C1QTNF3: variants seen among roughly 807,000 people sequenced by gnomAD.
C1QTNF3 encodes complement C1q tumor necrosis factor-related protein 3.
C1QTNF3 carries 26 observed loss-of-function variants against 32.6 expected under a neutral mutation model. That is an observed-to-expected ratio of 0.80 (90% confidence interval 0.58 to 1.11). The LOEUF (loss-of-function observed/expected upper bound fraction) is 1.11. C1QTNF3 is among the 50% of genes least tolerant of loss of function. C1QTNF3 has a pLI of 0.00. For missense variants in C1QTNF3, 362 were observed against 398.2 expected, an observed-to-expected ratio of 0.91 and a Z score of 0.77; for synonymous variants, 155 against 146.0, an observed-to-expected ratio of 1.06 and a Z score of -0.44.
chr5:34,107,786 C>A, the C1QTNF3 span, among the ~76,000 whole-genome samples: 3 of 152,080 alleles, frequency 2.0e-5, no homozygotes, highest in African/African-American at 7.2e-5. Context: ...AATTTCCTCC[C>A]AATAAATGTT....
chr5:34,171,960 C>T, the C1QTNF3 span, among the ~76,000 whole-genome samples: 1 of 152,150 alleles, frequency 6.6e-6, no homozygotes, highest in South Asian at 2.1e-4. Context: ...CATAATACTT[C>T]CATCTGGTTT....
At chr5:34,115,501 C>T in the C1QTNF3 span, among the ~76,000 whole-genome samples, 19 of 151,952 alleles carry the variant, frequency 1.3e-4, no homozygotes, top group African/African-American at 3.1e-4. Context: ...GAGGCCTAGG[C>T]GGGAGGATCA....
chr5:34,060,338 T>C, the C1QTNF3 span, among the ~76,000 whole-genome samples: 1 of 152,212 alleles, frequency 6.6e-6, no homozygotes, highest in East Asian at 1.9e-4. Flanking sequence ...GGCTATATAC[T>C]ATAGCCTATT....
chr5:34,121,330 T>G, the C1QTNF3 span, among the ~76,000 whole-genome samples: 3 of 152,176 alleles, frequency 2.0e-5, no homozygotes, highest in Non-Finnish European at 4.4e-5. Flanking sequence ...TCATGCTGCT[T>G]ATAAAGACAT....
At chr5:34,064,986 G>A in the C1QTNF3 span, among the ~76,000 whole-genome samples, 17 of 150,946 alleles carry the variant, frequency 1.1e-4, 1 homozygote, top group South Asian at 1.3e-3. Flanking sequence ...TGGTCTTGGC[G>A]AAGAATTTTT....
At chr5:34,112,401 TATAATCCC>T in the C1QTNF3 span, among the ~76,000 whole-genome samples, 1 of 151,810 alleles carries the variant, frequency 6.6e-6, no homozygotes, top group South Asian at 2.1e-4. Context: ...GGCTCATACC[TATAATCCC>T]ATCACATTGG....
At chr5:34,060,175 G>A in the C1QTNF3 span, among the ~76,000 whole-genome samples, 2 of 152,204 alleles carry the variant, frequency 1.3e-5, no homozygotes, top group Non-Finnish European at 2.9e-5. Flanking sequence ...GACTGGCCTT[G>A]AGTAAAATAA....
At chr5:34,201,204 CA>C in the C1QTNF3 span, among the ~76,000 whole-genome samples, 2 of 151,354 alleles carry the variant, frequency 1.3e-5, no homozygotes, top group African/African-American at 4.9e-5. Flanking sequence ...TGTTCTCTTT[CA>C]TTACAGTGTT....
chr5:34,200,647 A>G, the C1QTNF3 span: 1 of 152,162 alleles, frequency 6.6e-6, no homozygotes, highest in African/African-American at 2.4e-5. Flanking sequence ...GAACAGTATC[A>G]GTGCATTTAT....
At chr5:34,177,480 CTTTTTTTTTTTT>C in the C1QTNF3 span, among the ~76,000 whole-genome samples, 3 of 84,640 alleles carry the variant, frequency 3.5e-5, no homozygotes, top group African/African-American at 1.4e-4. Flanking sequence ...CCATACCCAA[CTTTTTTTTTTTT>C]TTTTTTTTTT....
chr5:34,143,716 T>C, the C1QTNF3 span, among the ~76,000 whole-genome samples: 3 of 152,158 alleles, frequency 2.0e-5, no homozygotes, highest in African/African-American at 7.2e-5. Context: ...AAAATTCTTC[T>C]CAGAAAAGCA....
the C1QTNF3 span, among the ~76,000 whole-genome samples, chr5:34,109,494 A>C: frequency 6.6e-6 from 1 of 151,992 alleles, no homozygotes; most frequent in South Asian, 2.1e-4. Flanking sequence ...TAATTAATTA[A>C]ATCATAATTA....
the C1QTNF3 span, among the ~76,000 whole-genome samples, chr5:34,155,559 C>A: frequency 6.6e-6 from 1 of 152,054 alleles, no homozygotes; most frequent in Admixed American, 6.5e-5. Flanking sequence ...TTTAAGAACT[C>A]TATTGACAGA....
chr5:34,066,163 C>T, the C1QTNF3 span, among the ~76,000 whole-genome samples: 2 of 152,154 alleles, frequency 1.3e-5, no homozygotes, highest in African/African-American at 4.8e-5. Context: ...GTGATCTTAT[C>T]GGGAAGCTGC....
chr5:34,123,674 A>G, the C1QTNF3 span, among the ~76,000 whole-genome samples: 2 of 151,022 alleles, frequency 1.3e-5, no homozygotes, highest in East Asian at 3.9e-4. Flanking sequence ...TACTGGTTTA[A>G]GACACAGTTT....
the C1QTNF3 span, among the ~76,000 whole-genome samples, chr5:34,064,098 T>C: frequency 1.3e-5 from 2 of 151,932 alleles, no homozygotes; most frequent in African/African-American, 4.8e-5. Context: ...CCCAGAAGGG[T>C]TGGGGGTTGT....
At chr5:34,048,328 T>C in the C1QTNF3 span, among the ~76,000 whole-genome samples, 3 of 117,678 alleles carry the variant, frequency 2.5e-5, 1 homozygote, top group Admixed American at 2.8e-4. Context: ...GATAACTTGT[T>C]GGATAATGTT....
the C1QTNF3 span, among the ~76,000 whole-genome samples, chr5:34,057,345 T>G: frequency 6.6e-6 from 1 of 151,962 alleles, no homozygotes; most frequent in Non-Finnish European, 1.5e-5. Context: ...TGACTCAGAG[T>G]CACTTACTAT....
Position 34,027,543 on chromosome 5 carries a change from C to T in C1QTNF3, c.700+1211G>A, listed in dbSNP as rs141654934. On this transcript the variant is annotated intron_variant, in intron 4 of 5. Transcript: ENST00000382065. ...GTAAAGCCCGTCTCTACTAAAACTA[C>T]AAAAATTAGCCAGGTGTGGTGGCCT... Among the ~76,000 whole-genome samples, 171 of 152,058 alleles carry T rather than the reference C, an allele frequency of 1.1e-3. 1 individual carries two copies. In the East Asian group the frequency reaches 0.015, roughly 13 times the overall value.
Sources: allele counts gnomAD v4.1 joint callset (sites outside exome capture counted in the v4.1 genomes callset), GRCh38; gene constraint gnomAD v4.1.1; transcripts MANE v1.5; gene names NCBI Gene and HGNC (gene_info 2026-07-23, HGNC 2026-07-21).